RPGRIP1L: variants seen among roughly 807,000 people sequenced by gnomAD.
The protein encoded by RPGRIP1L is protein fantom.
RPGRIP1L carries 131 observed loss-of-function variants against 160.4 expected under a neutral mutation model. The observed-to-expected ratio is 0.82, with a 90% CI of 0.71 to 0.94. RPGRIP1L has a LOEUF of 0.94. Among genes scored for constraint, RPGRIP1L ranks in the 40% least tolerant of loss-of-function variants. The pLI is 0.00. For synonymous variants in RPGRIP1L, 510 were observed against 515.8 expected, an observed-to-expected ratio of 0.99 and a Z score of 0.15; for missense variants, 1,522 against 1,535.8, an observed-to-expected ratio of 0.99 and a Z score of 0.15.
chr16:53,665,717 G>A (rs1196186598), intron 9 of RPGRIP1L, among the ~76,000 whole-genome samples: 1 of 152,130 alleles, frequency 6.6e-6, no homozygotes, highest in Non-Finnish European at 1.5e-5. Context: ...TCAAGACCCA[G>A]CATATCAGAA....
intron 24 of RPGRIP1L, among the ~76,000 whole-genome samples, chr16:53,614,599 C>T (rs1964243253): frequency 6.6e-6 from 1 of 152,118 alleles, no homozygotes; most frequent in African/African-American, 2.4e-5. Context: ...AACACTTTGG[C>T]TGCCTCTGAT....
chr16:53,701,946 G>A (rs887339797), intron 1 of RPGRIP1L: 3 of 152,158 alleles, frequency 2.0e-5, no homozygotes, highest in African/African-American at 4.8e-5. Context: ...ATCCTTGGGA[G>A]ATCATCTACT....
At chr16:53,673,150 T>C (rs1598375981) in intron 7 of RPGRIP1L, 134 bp from the exon 8 acceptor site, 2 of 853,076 alleles carry the variant, frequency 2.3e-6, no homozygotes, top group East Asian at 2.7e-5. Context: ...AGATTATTTT[T>C]TACATAACAA....
chr16:53,606,340 GAT>G (rs1216177972), intron 25 of RPGRIP1L, among the ~76,000 whole-genome samples: 1 of 152,146 alleles, frequency 6.6e-6, no homozygotes, highest in African/African-American at 2.4e-5. Flanking sequence ...GTACTCTTTT[GAT>G]ATGTCTTGGC....
In RPGRIP1L at chr16:53,641,478, G is replaced by T; in HGVS notation, c.2684-3C>A. ...ATGGTCTGTTAACTCAAATATTCCT[G>T]TCAAATTACAATAATTTTAATTAAT... is the stretch of plus-strand genomic sequence containing the variant. On this transcript the variant is annotated splice_polypyrimidine_tract_variant and splice_region_variant and intron_variant, in intron 17 of 26. Transcript: ENST00000647211. 6.2e-7 allele frequency: 1 copy of T among 1,610,332 alleles called. No individual in the cohort carries two copies. The highest frequency in any genetic ancestry group is 2.2e-5 in the East Asian group (1 of 44,828).
Position 53,666,566 on chromosome 16 carries a change from A to ATGTGTGTGTGTG in RPGRIP1L, c.1104-1569_1104-1558dup, listed in dbSNP as rs112955038. Among the ~76,000 whole-genome samples the ATGTGTGTGTGTG allele has an allele frequency of 1.8e-3, 252 of 136,792 alleles. 1 individual carries two copies. Among genetic ancestry groups the ATGTGTGTGTGTG allele is most frequent in the African/African-American group, 5.5e-3 (209 of 38,146 alleles). The allele number at this position is 136,792 out of a possible 152,430, so 89.7% of individuals were successfully genotyped here. ...TATATGCATGAATGTGAGTACATCT[A>ATGTGTGTGTGTG]TGTGTGTGTGTGTGTGTGTGTGTGT... On this transcript the variant is annotated intron_variant, in intron 9 of 26. Coordinates refer to ENST00000647211, the MANE Select transcript of RPGRIP1L (RefSeq NM_015272.5).
At chr16:53,640,949 A>G in intron 19 of RPGRIP1L, 84 bp downstream of exon 19, 1 of 955,370 alleles carries the variant, frequency 1.0e-6, no homozygotes, top group Non-Finnish European at 1.7e-6. Flanking sequence ...TTCCATTTAA[A>G]TCAGGTAGGG....
intron 9 of RPGRIP1L, among the ~76,000 whole-genome samples, chr16:53,665,382 C>T (rs898554332): frequency 6.6e-6 from 1 of 152,146 alleles, no homozygotes; most frequent in African/African-American, 2.4e-5. Context: ...ATACAAACCT[C>T]TTAATACAGA....
At chr16:53,660,876 G>C (rs1465819372) in intron 10 of RPGRIP1L, among the ~76,000 whole-genome samples, 4 of 145,514 alleles carry the variant, frequency 2.7e-5, no homozygotes, top group African/African-American at 5.1e-5. Flanking sequence ...CTGGGCAATA[G>C]AGTGAGACTA....
chr16:53,637,720 TTC>T lies in RPGRIP1L; in HGVS notation c.3193_3194del (p.Glu1065AsnfsTer10). On this transcript the variant is annotated frameshift_variant, in exon 21 of 27. Transcript: ENST00000647211. LOFTEE classifies it high-confidence loss of function. ...CTTCTGGTTCCAAGTCCTCTGTTAT[TTC>T]TGTTTCATCTTCAGAAGATGCCAAG... ...QSLASSEDET[E>X]ITEDLEPEVE... is the part of the protein sequence containing the mutation. The T allele has an allele frequency of 6.2e-7, 1 of 1,610,948 alleles. No individual in the cohort carries two copies. The highest frequency in any genetic ancestry group is 8.5e-7 in the Non-Finnish European group (1 of 1,179,748).
intron 15 of RPGRIP1L, among the ~76,000 whole-genome samples, chr16:53,650,199 A>G (rs1411847828): frequency 6.6e-6 from 1 of 152,124 alleles, no homozygotes; most frequent in East Asian, 1.9e-4. Context: ...CCTCATGAGT[A>G]GGATTGGTGC....
At chr16:53,692,761 T>C (rs1278196152) in intron 3 of RPGRIP1L, among the ~76,000 whole-genome samples, 1 of 152,232 alleles carries the variant, frequency 6.6e-6, no homozygotes, top group Non-Finnish European at 1.5e-5. Context: ...TTTTGAAAAG[T>C]GTGTTAAGAC....
intron 16 of RPGRIP1L, among the ~76,000 whole-genome samples, chr16:53,648,251 A>G (rs1966697001): frequency 6.6e-6 from 1 of 152,162 alleles, no homozygotes; most frequent in Non-Finnish European, 1.5e-5. Context: ...AGACTCCATG[A>G]AACATTGGGA....
In RPGRIP1L at chr16:53,619,045, A is replaced by C; in HGVS notation, c.3596T>G (p.Val1199Gly). The stretch of plus-strand genomic sequence containing the variant: ...CATACCATTGCTATAGTTATAGTAG[A>C]CCCACTGCCCACTCTTGGGTTTTGG... ...SLPKPKSGQW[V>G]YYNYSNVIYV... is the part of the protein sequence containing the mutation. The change falls in exon 24 of 27, where the codon GTC becomes GGC. Residue 1199 changes from valine to glycine, a missense_variant. Coordinates refer to ENST00000647211, the MANE Select transcript of RPGRIP1L (RefSeq NM_015272.5). 1.2e-6 allele frequency: 2 copies of C among 1,613,578 alleles called. No individual in the cohort carries two copies. The highest frequency in any genetic ancestry group is 1.7e-6 in the Non-Finnish European group (2 of 1,179,496).
intron 2 of RPGRIP1L, among the ~76,000 whole-genome samples, chr16:53,697,046 T>C (rs1462638671): frequency 6.6e-6 from 1 of 152,020 alleles, no homozygotes; most frequent in Non-Finnish European, 1.5e-5. Context: ...ATACGAAACT[T>C]AGCTGGGCAT....
intron 15 of RPGRIP1L, among the ~76,000 whole-genome samples, 182 bp downstream of exon 15, chr16:53,652,353 G>A (rs1966869384): frequency 6.6e-6 from 1 of 152,218 alleles, no homozygotes; most frequent in Non-Finnish European, 1.5e-5. Flanking sequence ...GATTAAAGGA[G>A]TGAGCCACTG....
chr16:53,625,508 C>G (rs1021417725), intron 22 of RPGRIP1L, among the ~76,000 whole-genome samples: 4 of 145,646 alleles, frequency 2.7e-5, no homozygotes, highest in Admixed American at 6.7e-5. Context: ...GCGGCCGCCC[C>G]GTCTAGGGGG....
intron 24 of RPGRIP1L, among the ~76,000 whole-genome samples, chr16:53,616,952 A>G (rs1299499425): frequency 1.3e-5 from 2 of 151,528 alleles, no homozygotes; most frequent in African/African-American, 4.9e-5. Context: ...TGTCCCTGTA[A>G]TCCCAGCTAC....
chr16:53,637,697 T>C lies in RPGRIP1L; in HGVS notation c.3218A>G (p.Glu1073Gly), dbSNP rs1965925363. Reference sequence around the variant, plus strand: ...GTTAGTTTAAATAAGAAAGTCACCTTCTGGTTCCAAGTCCTCTGTTATTTC... The same window carrying C: ...GTTAGTTTAAATAAGAAAGTCACCTCCTGGTTCCAAGTCCTCTGTTATTTC... The part of the protein sequence containing the change: ...ETEITEDLEP[E>G]VEEDMSASDS... Residue 1073 changes from glutamate to glycine, a missense_variant and splice_region_variant, in exon 21 of 27, where the codon GAA becomes GGA. By Grantham distance (98) the Glu-to-Gly change is moderately conservative. Transcript: ENST00000647211. The C allele has an allele frequency of 6.2e-7, 1 of 1,607,744 alleles. No individual in the cohort carries two copies. Among genetic ancestry groups the C allele is most frequent in the Admixed American group, 1.7e-5 (1 of 59,954 alleles).
Sources: allele counts gnomAD v4.1 joint callset (sites outside exome capture counted in the v4.1 genomes callset), GRCh38; gene constraint gnomAD v4.1.1; transcripts MANE v1.5; gene names NCBI Gene and HGNC (gene_info 2026-07-23, HGNC 2026-07-21).